Variants in EXOC4 observed in about 807,000 individuals in gnomAD.
The protein encoded by EXOC4 is exocyst complex component 4, also known as SEC8-like 1.
A neutral mutation model predicts 107.2 loss-of-function variants in EXOC4; 71 were observed. The observed-to-expected ratio is 0.66, with a 90% CI of 0.55 to 0.81. The LOEUF is 0.81. EXOC4 is among the 30% of genes least tolerant of loss of function. EXOC4 has a pLI of 0.00. For synonymous variants in EXOC4, 456 were observed against 441.2 expected (o/e 1.03, Z -0.42); for missense variants, 1,108 against 1,189.6 (o/e 0.93, Z 1.01).
chr7:133,916,561 A>G (rs1317145072), intron 12 of EXOC4, among the ~76,000 whole-genome samples: 1 of 152,218 alleles, frequency 6.6e-6, no homozygotes, highest in Non-Finnish European at 1.5e-5. Context: ...GAACCACTGC[A>G]TCTGGCCTAG....
intron 10 of EXOC4, among the ~76,000 whole-genome samples, chr7:133,706,860 A>C (rs1794779290): frequency 6.6e-6 from 1 of 152,080 alleles, no homozygotes; most frequent in African/African-American, 2.4e-5. Context: ...CCATCATGAG[A>C]TCCCACCCTT....
chr7:133,468,511 C>A (rs1054318484), intron 7 of EXOC4, among the ~76,000 whole-genome samples: 2 of 152,022 alleles, frequency 1.3e-5, no homozygotes, highest in African/African-American at 4.8e-5. Context: ...TTAAAAATAT[C>A]ATTATATTAT....
At chr7:133,604,865 A>C (rs964956352) in intron 9 of EXOC4, among the ~76,000 whole-genome samples, 4 of 151,394 alleles carry the variant, frequency 2.6e-5, no homozygotes, top group African/African-American at 9.7e-5. Flanking sequence ...CTGGGATTGC[A>C]AGCATGTGCC....
At chr7:133,979,135 G>A (rs1237269743) in intron 14 of EXOC4, among the ~76,000 whole-genome samples, 1 of 152,170 alleles carries the variant, frequency 6.6e-6, no homozygotes, top group Non-Finnish European at 1.5e-5. Context: ...AACCTGATTT[G>A]TCAGTGTTTT....
intron 13 of EXOC4, among the ~76,000 whole-genome samples, chr7:133,924,798 G>A (rs1800014981): frequency 6.6e-6 from 1 of 151,996 alleles, no homozygotes; most frequent in Admixed American, 6.6e-5. Flanking sequence ...TTTAATCATA[G>A]CATCCAATTT....
Position 133,892,884 on chromosome 7 carries a change from G to GA in EXOC4, c.1735-2708dup, listed in dbSNP as rs1012795313. Among the ~76,000 whole-genome samples the GA allele has an allele frequency of 2.3e-3, 322 of 142,804 alleles. 7 individuals are homozygous for GA. The highest frequency in any genetic ancestry group is 8.4e-3 in the African/African-American group (298 of 35,638). The allele number at this position is 142,804 out of a possible 152,430, so 93.7% of individuals were successfully genotyped here. On this transcript the variant is annotated intron_variant, in intron 11 of 17. Transcript: ENST00000253861. The stretch of plus-strand genomic sequence containing the variant: ...TTTGGAATAGGTGTGGTGTGGTAAT[G>GA]AAAAAAATGTATATTCTGTTGATTT...
intron 9 of EXOC4, among the ~76,000 whole-genome samples, chr7:133,501,202 C>A (rs1428269201): frequency 6.6e-6 from 1 of 152,122 alleles, no homozygotes; most frequent in Admixed American, 6.6e-5. Context: ...ATAAATCCTG[C>A]TTTGAAGCTA....
chr7:133,333,318 A>G lies in EXOC4; in HGVS notation c.763+15928A>G, dbSNP rs149490865. 3.0e-3 allele frequency among the ~76,000 whole-genome samples: 460 copies of G among 152,312 alleles called. 4 individuals are homozygous for G. Among genetic ancestry groups the G allele is most frequent in the African/African-American group, 0.011 (441 of 41,574 alleles). On this transcript the variant is annotated intron_variant, in intron 5 of 17. Transcript: ENST00000253861. ...AGGTTGGTTCCTAGGTTGTTTTAAC[A>G]TGTCCCCATCCATTGTTGAAAACTT...
At chr7:133,373,209 T>C (rs990606823) in intron 6 of EXOC4, among the ~76,000 whole-genome samples, 7 of 152,146 alleles carry the variant, frequency 4.6e-5, no homozygotes, top group African/African-American at 1.7e-4. Context: ...TTTAGACACA[T>C]GTTTCTGTAT....
chr7:133,636,426 A>T (rs1434810292), intron 10 of EXOC4, among the ~76,000 whole-genome samples: 1 of 152,186 alleles, frequency 6.6e-6, no homozygotes, highest in African/African-American at 2.4e-5. Flanking sequence ...TTAAAAGTTT[A>T]TGCAAAAAGT....
At chr7:133,375,159 A>C in intron 7 of EXOC4, 157 bp downstream of exon 7, 1 of 640,016 alleles carries the variant, frequency 1.6e-6, no homozygotes, top group African/African-American at 1.8e-5. Flanking sequence ...TGCTGATGGC[A>C]TTAACTTCTA....
At chr7:133,273,170 T>C (rs1793912331) in intron 1 of EXOC4, among the ~76,000 whole-genome samples, 1 of 152,210 alleles carries the variant, frequency 6.6e-6, no homozygotes, top group South Asian at 2.1e-4. Context: ...CTGGAAGTTT[T>C]CAGATTTAAA....
chr7:133,414,202 G>A (rs1475211222), intron 7 of EXOC4, among the ~76,000 whole-genome samples: 1 of 152,142 alleles, frequency 6.6e-6, no homozygotes, highest in East Asian at 1.9e-4. Flanking sequence ...GTGAATGCTT[G>A]AATGACCAAT....
chr7:133,960,496 A>G (rs1023439338), intron 14 of EXOC4, among the ~76,000 whole-genome samples: 1 of 152,146 alleles, frequency 6.6e-6, no homozygotes, highest in African/African-American at 2.4e-5. Context: ...TTTTGTTGGT[A>G]ATTTTTAAAT....
intron 2 of EXOC4, among the ~76,000 whole-genome samples, chr7:133,277,114 A>G (rs1794014129): frequency 6.6e-6 from 1 of 152,154 alleles, no homozygotes; most frequent in Non-Finnish European, 1.5e-5. Flanking sequence ...GGCATGCGCC[A>G]CCACGCCTGG....
chr7:134,001,587 A>G (rs1794532874), intron 15 of EXOC4, among the ~76,000 whole-genome samples: 1 of 152,202 alleles, frequency 6.6e-6, no homozygotes, highest in Admixed American at 6.5e-5. Context: ...CCAGTTCATA[A>G]GAATTTCCTA....
Position 133,917,732 on chromosome 7 carries a change from T to G in EXOC4, c.2021T>G (p.Phe674Cys), listed in dbSNP as rs761823774. ...CCAAAAAGAGAGGAGGAAGAAGATT[T>G]CATAAGGTAAAAGGTCCATTTTCTA... ...LRPKREEEED[F>C]IRAAFGKESE... Residue 674 changes from phenylalanine (F) to cysteine (C), a missense_variant, in exon 13 of 18, where the codon TTC (phenylalanine) becomes TGC (cysteine). Transcript: ENST00000253861. The G allele has an allele frequency of 2.5e-6, 4 of 1,613,902 alleles. No homozygotes were observed. Among genetic ancestry groups the G allele is most frequent in the Non-Finnish European group, 3.4e-6 (4 of 1,179,978 alleles).
chr7:133,737,674 A>G (rs1303472183), intron 10 of EXOC4, among the ~76,000 whole-genome samples: 1 of 151,910 alleles, frequency 6.6e-6, no homozygotes, highest in Admixed American at 6.6e-5. Context: ...TGTGTAGCAG[A>G]TTGTTTTTTC....
chr7:134,025,937 G>C (rs1251432191), intron 17 of EXOC4, among the ~76,000 whole-genome samples: 1 of 152,136 alleles, frequency 6.6e-6, no homozygotes, highest in Non-Finnish European at 1.5e-5. Context: ...TTCATTAGGA[G>C]TTATCTTTGG....
Sources: gnomAD v4.1 joint callset for allele counts (sites outside exome capture counted in the v4.1 genomes callset) on GRCh38, gnomAD v4.1.1 for gene constraint, MANE v1.5 for transcripts, NCBI Gene and HGNC (gene_info 2026-07-23, HGNC 2026-07-21) for gene names.